Variants in SOX5 observed in about 807,000 individuals in gnomAD.
SOX5 encodes the protein transcription factor SOX-5.
SOX5 carries 9 observed loss-of-function variants against 92.0 expected under a neutral mutation model. The observed-to-expected ratio is 0.10, with a 90% CI of 0.06 to 0.17. SOX5 has a LOEUF of 0.17. Ranked by LOEUF, SOX5 falls within the 10% of genes least tolerant of loss-of-function variation. The pLI is 1.00. For synonymous variants in SOX5, 344 were observed against 336.3 expected (o/e 1.02, Z -0.25); for missense variants, 642 against 944.5 (o/e 0.68, Z 4.20).
chr12:23,707,517 C>T (rs2091542217), intron 6 of SOX5, among the ~76,000 whole-genome samples: 3 of 151,940 alleles, frequency 2.0e-5, no homozygotes, highest in African/African-American at 4.8e-5. Flanking sequence ...TAGGCCAGGG[C>T]GTACTACATT....
chr12:24,381,866 T>G (rs959133181), intron 1 of SOX5, among the ~76,000 whole-genome samples: 6 of 152,154 alleles, frequency 3.9e-5, no homozygotes, highest in South Asian at 2.1e-4. Flanking sequence ...TAAAAATAAC[T>G]AAGAATTTGA....
intron 4 of SOX5, among the ~76,000 whole-genome samples, chr12:24,190,321 G>A (rs962566768): frequency 9.9e-5 from 15 of 152,138 alleles, no homozygotes; most frequent in African/African-American, 2.7e-4. Flanking sequence ...GTTTAAAGAT[G>A]GAGGGATTAT....
chr12:23,730,341 T>C (rs181050372), intron 6 of SOX5, among the ~76,000 whole-genome samples: 1 of 152,254 alleles, frequency 6.6e-6, no homozygotes, highest in East Asian at 1.9e-4. Flanking sequence ...TAAAAAAGTA[T>C]CTTTTAAGTC....
chr12:23,545,362 C>T (rs146693376), intron 12 of SOX5, among the ~76,000 whole-genome samples: 1 of 152,238 alleles, frequency 6.6e-6, no homozygotes, highest in East Asian at 1.9e-4. Context: ...AGAGATGTTC[C>T]CGGTCAGGGT....
intron 2 of SOX5, among the ~76,000 whole-genome samples, chr12:24,284,704 A>G (rs1343060635): frequency 6.6e-6 from 1 of 152,120 alleles, no homozygotes; most frequent in Non-Finnish European, 1.5e-5. Context: ...TGGTAACCCC[A>G]TCTATTCCCT....
At chr12:23,770,907 T>C (rs1295401433) in intron 3 of SOX5, among the ~76,000 whole-genome samples, 1 of 149,296 alleles carries the variant, frequency 6.7e-6, no homozygotes, top group Non-Finnish European at 1.5e-5. Context: ...GCTTGTTTTA[T>C]AAAGCTAAAT....
chr12:23,983,634 A>G (rs1347072841), intron 4 of SOX5, among the ~76,000 whole-genome samples: 1 of 152,218 alleles, frequency 6.6e-6, no homozygotes, highest in East Asian at 1.9e-4. Context: ...CATTTACTGA[A>G]TAGACTCAAA....
intron 8 of SOX5, among the ~76,000 whole-genome samples, chr12:23,616,538 T>A (rs2076579106): frequency 6.6e-6 from 1 of 152,176 alleles, no homozygotes; most frequent in Admixed American, 6.5e-5. Context: ...AGGAGCAACT[T>A]CACATACACA....
At chr12:23,858,736 C>A (rs977548331) in intron 2 of SOX5, among the ~76,000 whole-genome samples, 3 of 152,274 alleles carry the variant, frequency 2.0e-5, no homozygotes, top group East Asian at 1.9e-4. Flanking sequence ...CAGAAACCTG[C>A]ATGTGAATGT....
At chr12:24,129,305 T>G (rs151252278) in intron 4 of SOX5, among the ~76,000 whole-genome samples, 4 of 152,314 alleles carry the variant, frequency 2.6e-5, no homozygotes, top group Admixed American at 2.6e-4. Context: ...ATAGGAATAT[T>G]GTTTTTGTCA....
chr12:23,830,864 A>C (rs2135588374), intron 3 of SOX5, among the ~76,000 whole-genome samples: 1 of 152,316 alleles, frequency 6.6e-6, no homozygotes, highest in South Asian at 2.1e-4. Context: ...TCAACAACAG[A>C]CATTTAAATT....
At chr12:23,965,655 G>T (rs1489673121) in intron 4 of SOX5, among the ~76,000 whole-genome samples, 1 of 152,138 alleles carries the variant, frequency 6.6e-6, no homozygotes, top group Non-Finnish European at 1.5e-5. Flanking sequence ...GTCTTGCTCT[G>T]TCACCTAGGC....
chr12:23,600,957 A>T (rs1309542936), intron 9 of SOX5, among the ~76,000 whole-genome samples: 2 of 152,134 alleles, frequency 1.3e-5, no homozygotes, highest in Non-Finnish European at 2.9e-5. Context: ...TATGTCTGTC[A>T]TACGCCATTA....
At chr12:24,467,786 G>T (rs1271074796) in intron 1 of SOX5, among the ~76,000 whole-genome samples, 1 of 152,128 alleles carries the variant, frequency 6.6e-6, no homozygotes, top group African/African-American at 2.4e-5. Flanking sequence ...TGGATAAACT[G>T]CCTGCTATTT....
intron 1 of SOX5, among the ~76,000 whole-genome samples, chr12:24,411,836 G>A (rs1964147719): frequency 6.6e-6 from 1 of 152,012 alleles, no homozygotes; most frequent in South Asian, 2.1e-4. Context: ...GCTTTCTGGG[G>A]GAGATTGTTT....
intron 2 of SOX5, among the ~76,000 whole-genome samples, chr12:24,295,432 A>G (rs1408504184): frequency 6.6e-6 from 1 of 152,224 alleles, no homozygotes; most frequent in African/African-American, 2.4e-5. Context: ...TAATCCTGAC[A>G]TTTAAAACTG....
At position 24,022,841 on chromosome 12, in the gene SOX5, T is replaced by C. The variant is rs556542325; in HGVS notation, c.-1-126817A>G. ...GTGAATACACCAATGAACGAATAAATGGCTTTAATAACACACTGGAAAATG... is the reference window on the plus strand; with the variant it reads ...GTGAATACACCAATGAACGAATAAACGGCTTTAATAACACACTGGAAAATG... On this transcript the variant is annotated intron_variant, in intron 4 of 4. Coordinates refer to the SOX5 transcript ENST00000446891. 7.2e-5 allele frequency among the ~76,000 whole-genome samples: 11 copies of C among 152,108 alleles called. 1 individual carries two copies. The South Asian group carries it at 2.3e-3, about 32-fold the overall frequency.
intron 4 of SOX5, among the ~76,000 whole-genome samples, chr12:24,195,479 T>C (rs1040819547): frequency 6.6e-6 from 1 of 152,230 alleles, no homozygotes; most frequent in Non-Finnish European, 1.5e-5. Context: ...AAAAGTTTTT[T>C]TGTATTGATC....
At chr12:24,339,518 G>A (rs1227638880) in intron 2 of SOX5, among the ~76,000 whole-genome samples, 7 of 152,332 alleles carry the variant, frequency 4.6e-5, no homozygotes, top group African/African-American at 1.7e-4. Flanking sequence ...CCTTGTTAGA[G>A]ATTGGGGGAC....
Sources: allele counts gnomAD v4.1 joint callset (sites outside exome capture counted in the v4.1 genomes callset), GRCh38; gene constraint gnomAD v4.1.1; transcripts MANE v1.5; gene names NCBI Gene and HGNC (gene_info 2026-07-23, HGNC 2026-07-21).